ADAMTS20: variants seen among roughly 807,000 people sequenced by gnomAD.
The protein encoded by ADAMTS20 is ADAM metallopeptidase with thrombospondin type 1 motif 20.
A neutral mutation model predicts 260.1 loss-of-function variants in ADAMTS20; 225 were observed. The observed-to-expected ratio is 0.87, with a 90% CI of 0.78 to 0.97. ADAMTS20 has a LOEUF of 0.97. Ranked by LOEUF, ADAMTS20 falls within the 50% of genes least tolerant of loss-of-function variation. The pLI is 0.00. For missense variants in ADAMTS20, 2,400 were observed against 2,337.7 expected (o/e 1.03, Z -0.55); for synonymous variants, 802 against 769.5 (o/e 1.04, Z -0.70).
Position 43,468,705 on chromosome 12 carries a change from C to T in ADAMTS20, c.1118G>A (p.Gly373Asp). The T allele has an allele frequency of 2.0e-6, 3 of 1,535,274 alleles. No homozygotes were observed. The highest frequency in any genetic ancestry group is 1.2e-5 in the South Asian group (1 of 84,172). ...ACATATGGTACCTAAATATGATAAACCTGAAAAATTTCACATTTGTATTTC... is the reference window on the plus strand; with the variant it reads ...ACATATGGTACCTAAATATGATAAATCTGAAAAATTTCACATTTGTATTTC... ...CSSKEKCNML[G>D]LSYLGTICDP... The change falls in exon 8 of 39, where the codon GGT (glycine) becomes GAT (aspartate). Residue 373 changes from glycine (G) to aspartate (D), a missense_variant and splice_region_variant. Coordinates refer to ENST00000389420, the MANE Select transcript of ADAMTS20 (RefSeq NM_025003.5).
intron 28 of ADAMTS20, among the ~76,000 whole-genome samples, chr12:43,418,350 G>A (rs980046516): frequency 4.6e-5 from 7 of 152,106 alleles, no homozygotes; most frequent in South Asian, 4.2e-4. Flanking sequence ...TCATTATGTC[G>A]CCAGGCTGGA....
At chr12:43,404,221 A>AG in intron 28 of ADAMTS20, among the ~76,000 whole-genome samples, 1 of 151,084 alleles carries the variant, frequency 6.6e-6, no homozygotes, top group African/African-American at 2.4e-5. Context: ...ACACACACAA[A>AG]TAGAAAGCAC....
chr12:43,392,959 T>C (rs1404170246), intron 29 of ADAMTS20, among the ~76,000 whole-genome samples: 1 of 152,144 alleles, frequency 6.6e-6, no homozygotes, highest in Non-Finnish European at 1.5e-5. Context: ...TCTCCAGCTT[T>C]GGTCACAGTT....
At chr12:43,416,115 C>T (rs530166814) in intron 28 of ADAMTS20, among the ~76,000 whole-genome samples, 1 of 152,308 alleles carries the variant, frequency 6.6e-6, no homozygotes, top group African/African-American at 2.4e-5. Context: ...ACAGCCCCAT[C>T]AATCACTCCT....
At chr12:43,463,775 T>C (rs1942106089) in intron 10 of ADAMTS20, among the ~76,000 whole-genome samples, 1 of 152,294 alleles carries the variant, frequency 6.6e-6, no homozygotes, top group Admixed American at 6.5e-5. Context: ...TTTTGTGGCA[T>C]ATACTGTGCA....
chr12:43,484,226 C>CAAA (rs1352812056), intron 7 of ADAMTS20, among the ~76,000 whole-genome samples: 4 of 151,976 alleles, frequency 2.6e-5, no homozygotes, highest in Non-Finnish European at 5.9e-5. Flanking sequence ...ATAGTCTACC[C>CAAA]AAATGAGAAG....
intron 3 of ADAMTS20, among the ~76,000 whole-genome samples, chr12:43,527,813 A>G (rs1332533078): frequency 6.6e-6 from 1 of 152,128 alleles, no homozygotes; most frequent in African/African-American, 2.4e-5. Flanking sequence ...CTTCTACTCA[A>G]TATAATACTG....
chr12:43,376,326 T>G lies in ADAMTS20; in HGVS notation c.5130A>C (p.Lys1710Asn). ...GAATTTCTTTGCAGGTGGTAAATGA[T>G]TTACCTTCAAAGACAAATTAACACA... ...AQKKCYANDCKSFTTCKEIQV... is the reference protein window; with the variant it reads ...AQKKCYANDCNSFTTCKEIQV... The change falls in exon 34 of 39, where the codon AAA (lysine) becomes AAC (asparagine). Residue 1710 changes from lysine to asparagine, a missense_variant. Physicochemically the swap from Lys to Asn is moderately conservative, Grantham distance 94 (BLOSUM62 0). Coordinates refer to ENST00000389420, the MANE Select transcript of ADAMTS20 (RefSeq NM_025003.5). 1.9e-6 allele frequency: 3 copies of G among 1,549,602 alleles called. No homozygotes were observed. The highest frequency in any genetic ancestry group is 2.6e-6 in the Non-Finnish European group (3 of 1,145,600).
At chr12:43,542,713 T>G (rs1943392836) in intron 2 of ADAMTS20, among the ~76,000 whole-genome samples, 1 of 152,232 alleles carries the variant, frequency 6.6e-6, no homozygotes. Context: ...TTGGCAACTG[T>G]CACAGAAAAC....
chr12:43,367,700 A>AAAGATAAAGAAATTAAAGATATCT (rs1940017235), intron 37 of ADAMTS20, among the ~76,000 whole-genome samples: 1 of 152,080 alleles, frequency 6.6e-6, no homozygotes, highest in African/African-American at 2.4e-5. Flanking sequence ...ACAATAAAAC[A>AAAGATAAAGAAATTAAAGATATCT]AGATAAAGAA....
At chr12:43,386,886 C>G (rs1940491160) in intron 29 of ADAMTS20, among the ~76,000 whole-genome samples, 1 of 152,224 alleles carries the variant, frequency 6.6e-6, no homozygotes, top group Admixed American at 6.5e-5. Context: ...AGCAATTCCC[C>G]TAACCTTTTC....
At chr12:43,408,722 T>G (rs994451966) in intron 28 of ADAMTS20, among the ~76,000 whole-genome samples, 1 of 152,206 alleles carries the variant, frequency 6.6e-6, no homozygotes, top group Non-Finnish European at 1.5e-5. Context: ...AATTTCATAT[T>G]TCAATGAATT....
In ADAMTS20 at chr12:43,376,584, T is replaced by G; in HGVS notation, c.5065A>C (p.Ser1689Arg). 1 of 1,613,734 alleles carries G rather than the reference T, an allele frequency of 6.2e-7. No homozygotes were observed. The highest frequency in any genetic ancestry group is 8.5e-7 in the Non-Finnish European group (1 of 1,179,758). ...TTTAAATGGTTTAAACATAAGTCAC[T>G]GGACAAACCATGTTTGGTAATGCAT... is the stretch of plus-strand genomic sequence containing the variant. ...VKCITKHGLS[S>R]DLCLNHLKPG... is the part of the protein sequence containing the mutation. Residue 1689 changes from serine (S) to arginine (R), a missense_variant, in exon 33 of 39, where the codon AGT becomes CGT. Transcript: ENST00000389420.
chr12:43,499,438 T>C (rs1019161479), intron 4 of ADAMTS20, among the ~76,000 whole-genome samples: 21 of 152,140 alleles, frequency 1.4e-4, no homozygotes, highest in Non-Finnish European at 2.4e-4. Flanking sequence ...TGGAGAACTT[T>C]AGTTATCTCA....
intron 37 of ADAMTS20, among the ~76,000 whole-genome samples, chr12:43,363,742 C>T (rs1351977708): frequency 6.6e-6 from 1 of 152,116 alleles, no homozygotes; most frequent in East Asian, 1.9e-4. Flanking sequence ...AGGGTAGTAG[C>T]TCAATGAAGG....
chr12:43,354,708 G>C (rs1013126989), intron 38 of ADAMTS20, among the ~76,000 whole-genome samples: 4 of 147,704 alleles, frequency 2.7e-5, no homozygotes, highest in South Asian at 2.1e-4. Context: ...ATAAAAGAAA[G>C]ATATTGTACA....
chr12:43,507,187 A>G (rs1942857801), intron 3 of ADAMTS20, among the ~76,000 whole-genome samples: 1 of 152,192 alleles, frequency 6.6e-6, no homozygotes, highest in Non-Finnish European at 1.5e-5. Context: ...GCATGTATAC[A>G]TATATCAATC....
intron 2 of ADAMTS20, among the ~76,000 whole-genome samples, chr12:43,545,619 T>C (rs1490547058): frequency 1.3e-5 from 2 of 152,146 alleles, no homozygotes; most frequent in East Asian, 1.9e-4. Context: ...GGACTTCTCC[T>C]TGTCAGTAAC....
chr12:43,495,463 C>T (rs11613454), intron 4 of ADAMTS20, among the ~76,000 whole-genome samples: 3,658 of 152,142 alleles, frequency 0.024, 67 homozygotes, highest in East Asian at 0.08. Flanking sequence ...ATCACAGTGG[C>T]TATTGTTCTT....
Sources: gnomAD v4.1 joint callset for allele counts (sites outside exome capture counted in the v4.1 genomes callset) on GRCh38, gnomAD v4.1.1 for gene constraint, MANE v1.5 for transcripts, NCBI Gene and HGNC (gene_info 2026-07-23, HGNC 2026-07-21) for gene names.